INSL6: variants seen among roughly 807,000 people sequenced by gnomAD.
INSL6 encodes insulin-like peptide INSL6.
Under a neutral mutation model 9.4 loss-of-function variants are expected in INSL6, and 16 were observed. The observed-to-expected ratio is 1.70, with a 90% CI of 1.15 to 2.59. The LOEUF (loss-of-function observed/expected upper bound fraction) is 2.59. Ranked by LOEUF, INSL6 falls within the 30% of genes most tolerant of loss-of-function variation. INSL6 has a pLI of 0.00. For missense variants in INSL6, 391 were observed against 257.3 expected (o/e 1.52, Z -3.56); for synonymous variants, 154 against 96.9 (o/e 1.59, Z -3.46).
the INSL6 span, chr9:5,110,402 G>A: frequency 3.3e-5 from 5 of 152,330 alleles, no homozygotes; most frequent in African/African-American, 1.2e-4. Flanking sequence ...TGGGCCTTAC[G>A]ATAGTCACAA....
chr9:5,004,555 G>A, the INSL6 span, among the ~76,000 whole-genome samples: 1 of 152,102 alleles, frequency 6.6e-6, no homozygotes, highest in Non-Finnish European at 1.5e-5. Context: ...CACTTAGGTT[G>A]ATTCTTTATC....
chr9:5,175,069 A>G (rs1825267268), intron 1 of INSL6, among the ~76,000 whole-genome samples: 1 of 151,806 alleles, frequency 6.6e-6, no homozygotes, highest in African/African-American at 2.4e-5. Context: ...TCTCCCGAGT[A>G]GCTGGGACTA....
At chr9:5,106,528 G>A in the INSL6 span, among the ~76,000 whole-genome samples, 2 of 152,278 alleles carry the variant, frequency 1.3e-5, no homozygotes, top group East Asian at 1.9e-4. Context: ...AATACCATTT[G>A]ACCCAGCCAT....
the INSL6 span, among the ~76,000 whole-genome samples, chr9:5,010,256 T>A: frequency 1.3e-5 from 2 of 152,208 alleles, no homozygotes; most frequent in Non-Finnish European, 2.9e-5. Context: ...TGTTGTTACC[T>A]GTTTTACTTT....
chr9:5,150,049 G>A (rs1641827270), intron 2 of INSL6, among the ~76,000 whole-genome samples: 1 of 152,188 alleles, frequency 6.6e-6, no homozygotes, highest in African/African-American at 2.4e-5. Flanking sequence ...GCCCTGTGCA[G>A]AAGAATCAAT....
At chr9:5,101,930 C>T in the INSL6 span, among the ~76,000 whole-genome samples, 1 of 152,188 alleles carries the variant, frequency 6.6e-6, no homozygotes, top group Non-Finnish European at 1.5e-5. Flanking sequence ...GTAGATAAAA[C>T]CACAAAGATG....
chr9:5,159,643 C>A (rs141911022), downstream of INSL6, among the ~76,000 whole-genome samples: 1 of 152,106 alleles, frequency 6.6e-6, no homozygotes, highest in African/African-American at 2.4e-5. Flanking sequence ...AGCACCCAGA[C>A]GTATAAAGCA....
rs760164908 is a variant in INSL6 at position 5,179,274 on chromosome 9, T to C, written c.289+6040A>G. ...ACAAAAAATAGCTCAACATCACTGA[T>C]CATTAGAGAAATGCAAATCAAGATT... On this transcript the variant is annotated intron_variant, in intron 1 of 1. Transcript: ENST00000381641. Among the ~76,000 whole-genome samples, 217 of 152,264 alleles carry C rather than the reference T, an allele frequency of 1.4e-3. 1 individual carries two copies. The highest frequency in any genetic ancestry group is 2.2e-3 in the Non-Finnish European group (151 of 68,012).
At chr9:5,172,434 T>C (rs1421345112) in intron 1 of INSL6, among the ~76,000 whole-genome samples, 1 of 152,008 alleles carries the variant, frequency 6.6e-6, no homozygotes, top group Non-Finnish European at 1.5e-5. Context: ...CAAAAGCAAT[T>C]GCAACAAAAG....
chr9:5,004,827 C>T, the INSL6 span, among the ~76,000 whole-genome samples: 4 of 151,766 alleles, frequency 2.6e-5, no homozygotes, highest in Non-Finnish European at 4.4e-5. Flanking sequence ...CTCATTGTAA[C>T]AGGCATGAGG....
the INSL6 span, chr9:5,111,480 A>C: frequency 2.6e-6 from 1 of 381,420 alleles, no homozygotes; most frequent in Non-Finnish European, 5.1e-6. Flanking sequence ...AGCTCAGGTG[A>C]GGAGTACGGT....
intron 2 of INSL6, among the ~76,000 whole-genome samples, chr9:5,154,888 T>C (rs1462955986): frequency 6.6e-6 from 1 of 152,150 alleles, no homozygotes; most frequent in Non-Finnish European, 1.5e-5. Flanking sequence ...GACTGTAAAC[T>C]AGTTCAACCA....
chr9:5,156,739 C>A (rs2130899828), intron 2 of INSL6, among the ~76,000 whole-genome samples: 1 of 152,224 alleles, frequency 6.6e-6, no homozygotes, highest in Non-Finnish European at 1.5e-5. Context: ...ATAAAAGTCT[C>A]TATCCACAAT....
At chr9:5,040,257 C>T in the INSL6 span, among the ~76,000 whole-genome samples, 1 of 151,322 alleles carries the variant, frequency 6.6e-6, no homozygotes, top group Non-Finnish European at 1.5e-5. Flanking sequence ...CACATGTAAA[C>T]TAATGAAGTA....
At chr9:5,181,113 G>C (rs1476349758) in intron 1 of INSL6, among the ~76,000 whole-genome samples, 1 of 152,136 alleles carries the variant, frequency 6.6e-6, no homozygotes, top group Non-Finnish European at 1.5e-5. Context: ...TTGGGGGCGG[G>C]TTCCCCTGAT....
chr9:5,081,108 G>A, the INSL6 span, among the ~76,000 whole-genome samples: 35 of 151,918 alleles, frequency 2.3e-4, no homozygotes, highest in East Asian at 6.4e-3. Context: ...TGTTAGCCAG[G>A]ATGGTCTCGA....
chr9:5,151,135 G>A (rs138378058), intron 2 of INSL6, among the ~76,000 whole-genome samples: 87 of 152,232 alleles, frequency 5.7e-4, no homozygotes, highest in Non-Finnish European at 1.2e-3. Context: ...TGGGTACAGT[G>A]TACACTATTC....
chr9:5,033,193 AG>A, the INSL6 span, among the ~76,000 whole-genome samples: 3 of 152,220 alleles, frequency 2.0e-5, no homozygotes, highest in Non-Finnish European at 2.9e-5. Flanking sequence ...AGAAGTTTAG[AG>A]AAAAAGGAAT....
At chr9:5,108,144 A>G in the INSL6 span, 1 of 152,216 alleles carries the variant, frequency 6.6e-6, no homozygotes. Context: ...ATTACCTTTT[A>G]TAATCCTAGC....
Sources: allele counts gnomAD v4.1 joint callset (sites outside exome capture counted in the v4.1 genomes callset), GRCh38; gene constraint gnomAD v4.1.1; transcripts MANE v1.5; gene names NCBI Gene and HGNC (gene_info 2026-07-23, HGNC 2026-07-21).